Variants in LAMB2 observed in about 807,000 individuals in gnomAD.
LAMB2 encodes laminin subunit beta-2.
Under a neutral mutation model 202.7 loss-of-function variants are expected in LAMB2, and 119 were observed. That is an observed-to-expected ratio of 0.59 (90% confidence interval 0.51 to 0.68). LAMB2 has a LOEUF of 0.68. Among genes scored for constraint, LAMB2 ranks in the 30% least tolerant of loss-of-function variants. The pLI is 0.00. For synonymous variants in LAMB2, 818 were observed against 902.2 expected, an observed-to-expected ratio of 0.91 and a Z score of 1.67; for missense variants, 2,124 against 2,410.6, an observed-to-expected ratio of 0.88 and a Z score of 2.49.
chr3:49,129,267 C>T lies in LAMB2; in HGVS notation c.1576G>A (p.Val526Met), dbSNP rs370976756. 1.5e-5 allele frequency: 25 copies of T among 1,613,814 alleles called. No homozygotes were observed. Among genetic ancestry groups the T allele is most frequent in the African/African-American group, 2.7e-5 (2 of 74,926 alleles). ...TACTGGGGATCCAAAGCACCACCCA[C>T]GTCGCAGTCACAGGGGCGGCAGCCG... ...LLGCRPCDCD[V>M]GGALDPQCDE... The change falls in exon 12 of 32, where the codon GTG becomes ATG. Residue 526 changes from valine to methionine, a missense_variant. Val to Met is a conservative substitution (Grantham distance 21). Transcript: ENST00000305544. This position sits in a 1 kb window ranked among gnomAD's most constrained non-coding sequence, Gnocchi z 6.1.
Position 49,129,348 on chromosome 3 carries a change from G to C in LAMB2, c.1519-24C>G. 1 of 1,603,238 alleles carries C rather than the reference G, an allele frequency of 6.2e-7. No individual in the cohort carries two copies. The highest frequency in any genetic ancestry group is 1.1e-5 in the South Asian group (1 of 90,388). On this transcript the variant is annotated intron_variant, in intron 11 of 31. Coordinates refer to ENST00000305544, the MANE Select transcript of LAMB2 (RefSeq NM_002292.4). The surrounding 1 kb of genome is among the most constrained non-coding windows in gnomAD (Gnocchi z 6.1). ...GGCTGCACGAAAGGAGTTGCTGGGGGCCAGAAACAGACCTCCAGACCCCAT... is the reference window on the plus strand; with the variant it reads ...GGCTGCACGAAAGGAGTTGCTGGGGCCCAGAAACAGACCTCCAGACCCCAT...
chr3:49,125,399 C>A lies in LAMB2; in HGVS notation c.2574G>T (p.Gly858=), dbSNP rs1441261598. Residue 858 remains glycine (G), a synonymous_variant, in exon 19 of 32, where the codon GGG becomes GGT. Transcript: ENST00000305544. ...CACGCTGGCAGCGGTCACAGCGAAG[C>A]CCAAAGGCACCAGTTCGACAGAGAC... ...GQCLCRTGAF[G]LRCDRCQRGQ... 1.2e-6 allele frequency: 2 copies of A among 1,614,032 alleles called. No homozygotes were observed. The highest frequency in any genetic ancestry group is 4.5e-5 in the East Asian group (2 of 44,872).
In LAMB2 at chr3:49,121,904, C is replaced by T. The variant is rs551105160; in HGVS notation, c.4923+40G>A. The T allele has an allele frequency of 3.1e-6, 5 of 1,613,740 alleles. No homozygotes were observed. In the African/African-American group the frequency reaches 6.7e-5, roughly 22 times the overall value. ...AGGTTACACAGATCTACGGTTCATG[C>T]CCATAACCTTGTCCCACTGATGTCC... is the stretch of plus-strand genomic sequence containing the variant. On this transcript the variant is annotated intron_variant, in intron 29 of 31. Transcript: ENST00000305544.
At chr3:49,128,035 A>G (rs868109473) in intron 15 of LAMB2, among the ~76,000 whole-genome samples, 28 of 150,006 alleles carry the variant, frequency 1.9e-4, no homozygotes, top group Non-Finnish European at 3.3e-4. Context: ...AAAAAAAAAA[A>G]AAAAGAAAAG....
chr3:49,122,482 G>T, intron 27 of LAMB2, 112 bp from the exon 28 acceptor site: 1 of 1,084,386 alleles, frequency 9.2e-7, no homozygotes, highest in Non-Finnish European at 1.4e-6. Context: ...TTTGTTACCA[G>T]GCATAAGGAT....
chr3:49,126,764 G>T (rs2045420649), intron 15 of LAMB2, among the ~76,000 whole-genome samples: 2 of 152,134 alleles, frequency 1.3e-5, no homozygotes, highest in African/African-American at 4.8e-5. Flanking sequence ...GAAATCCCAA[G>T]AACTTGCCAA....
In LAMB2 at chr3:49,132,991, G is replaced by A. The variant is rs2045498387; in HGVS notation, c.-124C>T. On this transcript the variant is annotated 5_prime_UTR_variant, in exon 1 of 32. Coordinates refer to ENST00000305544, the MANE Select transcript of LAMB2 (RefSeq NM_002292.4). The surrounding 1 kb of genome is among the most constrained non-coding windows in gnomAD (Gnocchi z 4.6). ...TGGCCTGTTTCCCTCCAGGCCCTCTGTCAGTTCCCAGGTCTGTCCAGCGGT... is the reference window on the plus strand; with the variant it reads ...TGGCCTGTTTCCCTCCAGGCCCTCTATCAGTTCCCAGGTCTGTCCAGCGGT... 4.8e-6 allele frequency: 4 copies of A among 834,746 alleles called. No homozygotes were observed. Among genetic ancestry groups the A allele is most frequent in the African/African-American group, 3.4e-5 (2 of 59,598 alleles). The allele number at this position is 834,746 out of a possible 1,614,324, so 51.7% of individuals were successfully genotyped here. A position where few individuals can be genotyped will look rare whatever the true frequency, so the allele number is the denominator to read the frequency against.
chr3:49,129,884 C>T lies in LAMB2; in HGVS notation c.1360G>A (p.Asp454Asn). 6.2e-7 allele frequency: 1 copy of T among 1,613,972 alleles called. No homozygotes were observed. The highest frequency in any genetic ancestry group is 2.2e-5 in the East Asian group (1 of 44,888). Residue 454 changes from aspartate (D) to asparagine (N), a missense_variant, in exon 10 of 32, where the codon GAT becomes AAT. Asp to Asn is a conservative substitution (Grantham distance 23). Coordinates refer to ENST00000305544, the MANE Select transcript of LAMB2 (RefSeq NM_002292.4). The surrounding 1 kb of genome is among the most constrained non-coding windows in gnomAD (Gnocchi z 6.1). ...CTGATGCTGAGCCCAAAGAAGCCAT[C>T]ACGGCATTGCTGGCAGCGAGTGCCC... ...VVGTRCQQCR[D>N]GFFGLSISDR... is the part of the protein sequence containing the mutation.
rs752503569 is a variant in LAMB2, at chr3:49,130,244, C to G, written c.1212G>C (p.Pro404=). ...TCCCAGCCTCACAGCGGCACACAGC[C>G]GGATCCCGCAGGTCCTTGGTTGGGT... The part of the protein sequence containing the change: ...YRDPTKDLRD[P]AVCRSCDCDP... The change falls in exon 9 of 32, where the codon CCG becomes CCC. Residue 404 remains proline, a synonymous_variant. Transcript: ENST00000305544. This position sits in a 1 kb window ranked among gnomAD's most constrained non-coding sequence, Gnocchi z 5.0. 6.2e-7 allele frequency: 1 copy of G among 1,614,100 alleles called. No homozygotes were observed. The highest frequency in any genetic ancestry group is 1.3e-5 in the African/African-American group (1 of 74,944).
intron 15 of LAMB2, 114 bp from the exon 16 acceptor site, chr3:49,126,611 G>A: frequency 7.0e-7 from 1 of 1,428,288 alleles, no homozygotes; most frequent in Non-Finnish European, 9.7e-7. Flanking sequence ...CAGAGACTAT[G>A]GCTGGGTTGC....
In LAMB2 at chr3:49,125,801, G is replaced by A. The variant is rs151134957; in HGVS notation, c.2434C>T (p.Arg812Cys). 189 of 1,614,122 alleles carry A rather than the reference G, an allele frequency of 1.2e-4. No homozygotes were observed. Among genetic ancestry groups the A allele is most frequent in the East Asian group, 1.8e-4 (8 of 44,888 alleles). ...CLCKPGVVGR[R>C]CDLCAPGYYG... ...TAGCCAGGGGCACAGAGGTCACAGC[G>A]GCGCCCAACCACTCCAGGCTTGCAC... is the stretch of plus-strand genomic sequence containing the variant. The change falls in exon 18 of 32, where the codon CGC becomes TGC. Residue 812 changes from arginine to cysteine, a missense_variant. Coordinates refer to ENST00000305544, the MANE Select transcript of LAMB2 (RefSeq NM_002292.4).
Position 49,129,815 on chromosome 3 carries a change from G to C in LAMB2, c.1405+24C>G. 6.2e-7 allele frequency: 1 copy of C among 1,613,640 alleles called. No individual in the cohort carries two copies. Among genetic ancestry groups the C allele is most frequent in the Non-Finnish European group, 8.5e-7 (1 of 1,179,866 alleles). Reference sequence around the variant, plus strand: ...AGGACAGGGGTTAAAGGTCAGCATAGAAGTTAGGGCAGGAGACACATACGC... The same window carrying C: ...AGGACAGGGGTTAAAGGTCAGCATACAAGTTAGGGCAGGAGACACATACGC... On this transcript the variant is annotated intron_variant, in intron 10 of 31. Transcript: ENST00000305544. The surrounding 1 kb of genome is among the most constrained non-coding windows in gnomAD (Gnocchi z 6.1).
At position 49,121,549 on chromosome 3, in the gene LAMB2, G is replaced by C. The variant is rs144194438; in HGVS notation, c.5144C>G (p.Ala1715Gly). 1 of 1,613,996 alleles carries C rather than the reference G, an allele frequency of 6.2e-7. No homozygotes were observed. The highest frequency in any genetic ancestry group is 8.5e-7 in the Non-Finnish European group (1 of 1,180,040). ...PLGDQYQTVKALAERKAQGVL... is the reference protein window; with the variant it reads ...PLGDQYQTVKGLAERKAQGVL... ...ACCTTGGGCCTTGCGCTCAGCTAGGGCCTTCACCGTCTGGTACTGATCACC... is the reference window on the plus strand; with the variant it reads ...ACCTTGGGCCTTGCGCTCAGCTAGGCCCTTCACCGTCTGGTACTGATCACC... Residue 1715 changes from alanine to glycine, a missense_variant, in exon 31 of 32, where the codon GCC becomes GGC. Transcript: ENST00000305544.
Position 49,132,335 on chromosome 3 carries a change from C to G in LAMB2, c.320G>C (p.Arg107Pro), listed in dbSNP as rs369040269. 1.2e-6 allele frequency: 2 copies of G among 1,614,246 alleles called. No homozygotes were observed. Among genetic ancestry groups the G allele is most frequent in the Non-Finnish European group, 8.5e-7 (1 of 1,180,048 alleles). ...FSARDNPHSH[R>P]IQNVVTSFAP... Reference sequence around the variant, plus strand: ...AAAGCTGGTGACTACATTCTGGATGCGATGGCTGTGTGGGTTGTCTCTAGC... The same window carrying G: ...AAAGCTGGTGACTACATTCTGGATGGGATGGCTGTGTGGGTTGTCTCTAGC... The change falls in exon 3 of 32, where the codon CGC (arginine) becomes CCC (proline). Residue 107 changes from arginine to proline, a missense_variant. Coordinates refer to ENST00000305544, the MANE Select transcript of LAMB2 (RefSeq NM_002292.4). This position sits in a 1 kb window ranked among gnomAD's most constrained non-coding sequence, Gnocchi z 4.6.
rs373280794 is a variant in LAMB2 at position 49,132,747 on chromosome 3, T to C, written c.76+45A>G. Reference sequence around the variant, plus strand: ...TGCCCCAAGGGCAACTACCAGGACCTACCATCACATTCCACAACCCCCAGC... The same window carrying C: ...TGCCCCAAGGGCAACTACCAGGACCCACCATCACATTCCACAACCCCCAGC... On this transcript the variant is annotated intron_variant, in intron 1 of 31. Coordinates refer to ENST00000305544, the MANE Select transcript of LAMB2 (RefSeq NM_002292.4). The surrounding 1 kb of genome is among the most constrained non-coding windows in gnomAD (Gnocchi z 4.6). The C allele has an allele frequency of 1.3e-4, 213 of 1,613,392 alleles. No homozygotes were observed. The African/African-American group carries it at 2.4e-3, about 18-fold the overall frequency.
At position 49,131,463 on chromosome 3, in the gene LAMB2, T is replaced by C. The variant is rs767366956; in HGVS notation, c.649-21A>G. ...ATGACCTGGAGAAGCAGGGAGTTCA[T>C]AGTCACACTGGACCTTGCCTCAGGC... On this transcript the variant is annotated intron_variant, in intron 5 of 31. Coordinates refer to ENST00000305544, the MANE Select transcript of LAMB2 (RefSeq NM_002292.4). The surrounding 1 kb of genome is among the most constrained non-coding windows in gnomAD (Gnocchi z 5.0). 17 of 1,613,856 alleles carry C rather than the reference T, an allele frequency of 1.1e-5. No individual in the cohort carries two copies. The highest frequency in any genetic ancestry group is 1.4e-5 in the Non-Finnish European group (17 of 1,179,962).
intron 16 of LAMB2, 74 bp downstream of exon 16, chr3:49,126,291 C>A: frequency 6.2e-7 from 1 of 1,610,708 alleles, no homozygotes; most frequent in South Asian, 1.1e-5. Flanking sequence ...CTGCCACAGA[C>A]CCCTGCTATC....
rs747064604 is a variant in LAMB2, at chr3:49,124,056, G to A, written c.3469C>T (p.Arg1157Cys). ...SRGIDTPQCHRFTGHCSCRPG... is the reference protein window; with the variant it reads ...SRGIDTPQCHCFTGHCSCRPG... ...CGGCAGCTGCAGTGACCTGTGAAGC[G>A]GTGACACTGAGGTGTATCTATTCCA... The change falls in exon 24 of 32, where the codon CGC becomes TGC. Residue 1157 changes from arginine to cysteine, a missense_variant. Arg to Cys is a radical substitution (Grantham distance 180). Around this residue, in one of 3 missense-constraint regions of LAMB2, gnomAD observed 1,702 missense variants for 1,896.3 expected, o/e 0.90. Transcript: ENST00000305544. 4.3e-6 allele frequency: 7 copies of A among 1,613,834 alleles called. No homozygotes were observed. Among genetic ancestry groups the A allele is most frequent in the Non-Finnish European group, 5.1e-6 (6 of 1,180,026 alleles).
intron 18 of LAMB2, 72 bp downstream of exon 18, chr3:49,125,675 C>G (rs2045405930): frequency 6.3e-7 from 1 of 1,579,718 alleles, no homozygotes; most frequent in African/African-American, 1.4e-5. Flanking sequence ...AGCAGCAGGT[C>G]CAGAAGGAGG....
Sources: gnomAD v4.1 joint callset for allele counts (sites outside exome capture counted in the v4.1 genomes callset) on GRCh38, gnomAD v4.1.1 for gene constraint, gnomAD v4.1.1 regional missense constraint, Gnocchi (gnomAD v3.1) non-coding constraint, MANE v1.5 for transcripts, NCBI Gene and HGNC (gene_info 2026-07-23, HGNC 2026-07-21) for gene names.